CFAP77: variants seen among roughly 807,000 people sequenced by gnomAD.
CFAP77 encodes cilia and flagella associated protein 77.
CFAP77 carries 25 observed loss-of-function variants against 31.1 expected under a neutral mutation model. The observed-to-expected ratio is 0.80, with a 90% CI of 0.59 to 1.12. The LOEUF (loss-of-function observed/expected upper bound fraction) is 1.12. Among genes scored for constraint, CFAP77 ranks in the 50% most tolerant of loss-of-function variants. CFAP77 has a pLI of 0.00. For synonymous variants in CFAP77, 151 were observed against 159.9 expected, an observed-to-expected ratio of 0.94 and a Z score of 0.42; for missense variants, 377 against 397.3, an observed-to-expected ratio of 0.95 and a Z score of 0.44.
chr9:132,444,283 CCA>C (rs1850666973), intron 1 of CFAP77, among the ~76,000 whole-genome samples: 2 of 152,220 alleles, frequency 1.3e-5, no homozygotes, highest in African/African-American at 4.8e-5. Context: ...AAACCTAGAG[CCA>C]CCTGCGGCAT....
chr9:132,436,026 T>G (rs963660889), intron 1 of CFAP77, among the ~76,000 whole-genome samples: 4 of 152,182 alleles, frequency 2.6e-5, no homozygotes, highest in African/African-American at 9.7e-5. Flanking sequence ...ACCCAGGGAA[T>G]GAAGAAAGGA....
chr9:132,499,642 G>A lies in CFAP77; in HGVS notation c.524+42G>A. Reference sequence around the variant, plus strand: ...CCAGGGCTTCATCCCTTGAGGGGGTGGAGGTACCAGCTCAATCAGGGACAA... The same window carrying A: ...CCAGGGCTTCATCCCTTGAGGGGGTAGAGGTACCAGCTCAATCAGGGACAA... On this transcript the variant is annotated intron_variant, in intron 3 of 5. Coordinates refer to ENST00000393216, the MANE Select transcript of CFAP77 (RefSeq NM_001282957.2). The surrounding 1 kb of genome is among the most constrained non-coding windows in gnomAD (Gnocchi z 5.4). The A allele has an allele frequency of 6.4e-7, 1 of 1,569,932 alleles. No individual in the cohort carries two copies. The highest frequency in any genetic ancestry group is 1.1e-5 in the South Asian group (1 of 90,082).
chr9:132,486,448 C>T (rs537951446), intron 1 of CFAP77, among the ~76,000 whole-genome samples: 17 of 152,104 alleles, frequency 1.1e-4, no homozygotes, highest in African/African-American at 4.1e-4. Flanking sequence ...AGATTTTGCC[C>T]GGGAGGAAAA....
intron 1 of CFAP77, among the ~76,000 whole-genome samples, chr9:132,443,984 A>G (rs188856128): frequency 3.9e-5 from 6 of 152,352 alleles, no homozygotes; most frequent in East Asian, 1.9e-4. Context: ...TTAAGTGTCA[A>G]TTCTGAGCTG....
intron 3 of CFAP77, among the ~76,000 whole-genome samples, chr9:132,525,519 A>G (rs548018642): frequency 1.3e-5 from 2 of 152,346 alleles, no homozygotes; most frequent in South Asian, 2.1e-4. Context: ...AAAATTTCAC[A>G]TAACTAGATT....
intron 5 of CFAP77, among the ~76,000 whole-genome samples, chr9:132,546,027 C>T (rs1852723090): frequency 6.6e-6 from 1 of 152,220 alleles, no homozygotes; most frequent in Non-Finnish European, 1.5e-5. Context: ...CCGTGCCTGT[C>T]AGTTCCACAC....
chr9:132,487,281 T>A (rs1443990679), intron 1 of CFAP77, among the ~76,000 whole-genome samples: 1 of 152,136 alleles, frequency 6.6e-6, no homozygotes, highest in African/African-American at 2.4e-5. Flanking sequence ...GTGGCAGAGC[T>A]GGGAGTCCGA....
At chr9:132,505,406 A>G (rs1360630157) in intron 3 of CFAP77, among the ~76,000 whole-genome samples, 1 of 152,108 alleles carries the variant, frequency 6.6e-6, no homozygotes, top group Non-Finnish European at 1.5e-5. Context: ...TTGTCACTAA[A>G]TCGGAAGGGT....
At chr9:132,494,913 T>C (rs7869108) in intron 1 of CFAP77, among the ~76,000 whole-genome samples, 14,146 of 152,268 alleles carry the variant, frequency 0.093, 1,049 homozygotes, top group African/African-American at 0.21. Flanking sequence ...TTATATATTA[T>C]GGATAAGACT....
Position 132,439,811 on chromosome 9 carries a change from T to C in CFAP77, c.195+29345T>C, listed in dbSNP as rs1371576135. 5.0e-5 allele frequency among the ~76,000 whole-genome samples: 7 copies of C among 140,318 alleles called. No homozygotes were observed. In the South Asian group the frequency reaches 6.6e-4, roughly 13 times the overall value. The allele number at this position is 140,318 out of a possible 152,430, so 92.1% of individuals were successfully genotyped here. On this transcript the variant is annotated intron_variant, in intron 1 of 5. Transcript: ENST00000393216. ...TTGTAGTGAGCCGAGATCGTGCCAC[T>C]GCACTCCAGCCTGGGAGACAGAGCG...
intron 1 of CFAP77, among the ~76,000 whole-genome samples, chr9:132,420,185 G>A (rs1333356321): frequency 1.3e-5 from 2 of 150,022 alleles, no homozygotes; most frequent in Non-Finnish European, 3.0e-5. Context: ...GGTGGAAGGA[G>A]AGGTGATGAG....
intron 3 of CFAP77, among the ~76,000 whole-genome samples, chr9:132,503,460 C>G (rs1851887695): frequency 6.6e-6 from 1 of 152,180 alleles, no homozygotes; most frequent in Non-Finnish European, 1.5e-5. Flanking sequence ...TTGTCCCCAG[C>G]TCTCCACGTC....
chr9:132,459,839 G>A (rs1435505524), intron 1 of CFAP77, among the ~76,000 whole-genome samples: 3 of 149,010 alleles, frequency 2.0e-5, no homozygotes, highest in African/African-American at 7.4e-5. Flanking sequence ...GTATGTGTGG[G>A]AGTATTGTGA....
rs115707971 is a variant in CFAP77, at chr9:132,560,540, C to T, written c.733-11848C>T. On this transcript the variant is annotated intron_variant, in intron 5 of 5. Coordinates refer to ENST00000393216, the MANE Select transcript of CFAP77 (RefSeq NM_001282957.2). ...GCTAATCCTTGCGAATGACCTGGAGCCATTGGTATGGCTTCTCGAAGGAGC... is the reference window on the plus strand; with the variant it reads ...GCTAATCCTTGCGAATGACCTGGAGTCATTGGTATGGCTTCTCGAAGGAGC... Among the ~76,000 whole-genome samples the T allele has an allele frequency of 5.6e-3, 857 of 152,294 alleles. 11 individuals carry two copies. The highest frequency in any genetic ancestry group is 0.02 in the African/African-American group (815 of 41,564).
chr9:132,565,261 C>T lies in CFAP77; in HGVS notation c.733-7127C>T, dbSNP rs116601092. On this transcript the variant is annotated intron_variant, in intron 5 of 5. Coordinates refer to ENST00000393216, the MANE Select transcript of CFAP77 (RefSeq NM_001282957.2). The surrounding 1 kb of genome is among the most constrained non-coding windows in gnomAD (Gnocchi z 4.1). ...TGCCCCTTCCTTTGCCCCTGGCTTG[C>T]TCCTTCATCCTCCCCAGAGAGCCCT... Among the ~76,000 whole-genome samples, 1,043 of 151,978 alleles carry T rather than the reference C, an allele frequency of 6.9e-3. 12 individuals are homozygous for T. The highest frequency in any genetic ancestry group is 0.024 in the African/African-American group (981 of 41,392).
In CFAP77 at chr9:132,521,778, T is replaced by TTTTTTTTTTTTTTTTTTG; in HGVS notation, c.525-15817_525-15816insTTTTTTTTTTTGTTTTTT. Among the ~76,000 whole-genome samples the TTTTTTTTTTTTTTTTTTG allele has an allele frequency of 5.1e-3, 546 of 106,134 alleles. 6 individuals are homozygous for TTTTTTTTTTTTTTTTTTG. Among genetic ancestry groups the TTTTTTTTTTTTTTTTTTG allele is most frequent in the East Asian group, 9.0e-3 (21 of 2,324 alleles). The allele number at this position is 106,134 out of a possible 152,430, so 69.6% of individuals were successfully genotyped here. A position where few individuals can be genotyped will look rare whatever the true frequency, so the allele number is the denominator to read the frequency against. On this transcript the variant is annotated intron_variant, in intron 3 of 5. Transcript: ENST00000393216. ...ATAGACTTGCTTTTTTTTTTTTTTT[T>TTTTTTTTTTTTTTTTTTG]TTTTTTGAGATGAAGTCTCACTCTG...
intron 5 of CFAP77, 116 bp downstream of exon 5, chr9:132,543,163 A>C (rs1589917338): frequency 9.0e-6 from 7 of 776,426 alleles, no homozygotes. Context: ...GATTAGTACA[A>C]CAGCCGCAGC....
rs1396185387 is a variant in CFAP77 at position 132,554,045 on chromosome 9, G to C, written c.732+10998G>C. ...TCCAGGGGCTTGGCAATGACCCCACGGGATGGGTAGTATGACCCTTACTTT... is the reference window on the plus strand; with the variant it reads ...TCCAGGGGCTTGGCAATGACCCCACCGGATGGGTAGTATGACCCTTACTTT... On this transcript the variant is annotated intron_variant, in intron 5 of 5. Coordinates refer to ENST00000393216, the MANE Select transcript of CFAP77 (RefSeq NM_001282957.2). The surrounding 1 kb of genome is among the most constrained non-coding windows in gnomAD (Gnocchi z 4.1). 2.0e-5 allele frequency among the ~76,000 whole-genome samples: 3 copies of C among 152,156 alleles called. No homozygotes were observed. The highest frequency in any genetic ancestry group is 7.2e-5 in the African/African-American group (3 of 41,428).
Position 132,499,746 on chromosome 9 carries a change from C to G in CFAP77, c.524+146C>G. On this transcript the variant is annotated intron_variant, in intron 3 of 5. Coordinates refer to ENST00000393216, the MANE Select transcript of CFAP77 (RefSeq NM_001282957.2). The surrounding 1 kb of genome is among the most constrained non-coding windows in gnomAD (Gnocchi z 5.4). ...TCAATGACTCTCTCTTGTGTGACCT[C>G]TATAGCCACACCCTGAATCCTGCTG... The G allele has an allele frequency of 1.3e-6, 1 of 751,384 alleles. No homozygotes were observed. Among genetic ancestry groups the G allele is most frequent in the Non-Finnish European group, 2.2e-6 (1 of 448,768 alleles). The allele number at this position is 751,384 out of a possible 1,614,324, so 46.5% of individuals were successfully genotyped here.
Sources: allele counts gnomAD v4.1 joint callset (sites outside exome capture counted in the v4.1 genomes callset), GRCh38; gene constraint gnomAD v4.1.1; non-coding constraint Gnocchi (gnomAD v3.1); transcripts MANE v1.5; gene names NCBI Gene and HGNC (gene_info 2026-07-23, HGNC 2026-07-21).